Variants in RERE observed in about 807,000 individuals in gnomAD.
RERE encodes arginine-glutamic acid dipeptide repeats protein.
A neutral mutation model predicts 146.1 loss-of-function variants in RERE; 40 were observed. The observed-to-expected ratio is 0.27, with a 90% CI of 0.21 to 0.36. The LOEUF (loss-of-function observed/expected upper bound fraction) is 0.36, where lower values mean the gene tolerates loss of function less well. Ranked by LOEUF, RERE falls within the 10% of genes least tolerant of loss-of-function variation. RERE has a pLI of 1.00. For synonymous variants in RERE, 1,003 were observed against 866.0 expected, an observed-to-expected ratio of 1.16 and a Z score of -2.78; for missense variants, 1,933 against 2,138.7, an observed-to-expected ratio of 0.90 and a Z score of 1.90.
intron 2 of RERE, among the ~76,000 whole-genome samples, chr1:8,642,366 C>T (rs1647191946): frequency 6.6e-6 from 1 of 152,288 alleles, no homozygotes; most frequent in Middle Eastern, 3.4e-3. Flanking sequence ...TTATGCTGTC[C>T]TTTCTCCCTC....
intron 4 of RERE, among the ~76,000 whole-genome samples, chr1:8,588,986 T>C (rs1171506026): frequency 6.6e-6 from 1 of 151,474 alleles, no homozygotes; most frequent in Non-Finnish European, 1.5e-5. Flanking sequence ...CAGCTGGGTG[T>C]GGTGGCAGGC....
chr1:8,500,434 G>A (rs1202565576), intron 8 of RERE, among the ~76,000 whole-genome samples: 1 of 152,250 alleles, frequency 6.6e-6, no homozygotes, highest in East Asian at 1.9e-4. Context: ...GCTGGTCTCA[G>A]CTCCTGACCG....
chr1:8,807,794 C>T (rs938318658), intron 1 of RERE, among the ~76,000 whole-genome samples: 1 of 152,114 alleles, frequency 6.6e-6, no homozygotes, highest in Non-Finnish European at 1.5e-5. Context: ...TTCTGCAAAG[C>T]CATCAACCAA....
chr1:8,418,655 A>C (rs1643843027), intron 12 of RERE, among the ~76,000 whole-genome samples: 2 of 152,236 alleles, frequency 1.3e-5, no homozygotes, highest in African/African-American at 2.4e-5. Context: ...CAGAGAAGAG[A>C]TATGTCACCA....
intron 4 of RERE, among the ~76,000 whole-genome samples, chr1:8,576,965 G>A (rs957012016): frequency 3.3e-5 from 5 of 152,056 alleles, no homozygotes; most frequent in Non-Finnish European, 5.9e-5. Flanking sequence ...GTCAGGAGAT[G>A]GAGACCATCC....
chr1:8,636,463 G>A (rs1350644328), intron 2 of RERE, among the ~76,000 whole-genome samples: 2 of 151,992 alleles, frequency 1.3e-5, no homozygotes. Context: ...GAGCCCAGGA[G>A]TATGAGCCTG....
intron 8 of RERE, among the ~76,000 whole-genome samples, chr1:8,504,068 G>A (rs1645217030): frequency 6.6e-6 from 1 of 152,192 alleles, no homozygotes; most frequent in Non-Finnish European, 1.5e-5. Flanking sequence ...AATTTAGAAT[G>A]TATTTTATCT....
intron 12 of RERE, among the ~76,000 whole-genome samples, chr1:8,390,090 C>T (rs1301201615): frequency 6.6e-6 from 1 of 152,174 alleles, no homozygotes; most frequent in Non-Finnish European, 1.5e-5. Context: ...AAAAGGAAAA[C>T]CAATACCAGA....
intron 4 of RERE, among the ~76,000 whole-genome samples, chr1:8,564,114 G>A (rs1460076123): frequency 1.3e-5 from 2 of 152,308 alleles, no homozygotes; most frequent in Non-Finnish European, 1.5e-5. Flanking sequence ...AGACCTTGGG[G>A]ACACAGTCAT....
At chr1:8,500,850 T>C (rs1221190453) in intron 8 of RERE, among the ~76,000 whole-genome samples, 3 of 146,852 alleles carry the variant, frequency 2.0e-5, no homozygotes, top group Non-Finnish European at 2.9e-5. Flanking sequence ...GGAGCACCTC[T>C]GCTGGGCCGC....
At chr1:8,734,551 G>A (rs373430463) in intron 1 of RERE, among the ~76,000 whole-genome samples, 3 of 152,190 alleles carry the variant, frequency 2.0e-5, no homozygotes, top group African/African-American at 7.2e-5. Context: ...AACATGGGCT[G>A]ACTTTGCAAG....
intron 7 of RERE, among the ~76,000 whole-genome samples, chr1:8,515,121 A>G (rs1177741942): frequency 6.6e-6 from 1 of 152,186 alleles, no homozygotes; most frequent in Non-Finnish European, 1.5e-5. Flanking sequence ...CTGGAATCCC[A>G]GCACTCTGGG....
chr1:8,418,286 C>T (rs1643833270), intron 12 of RERE, among the ~76,000 whole-genome samples: 1 of 152,208 alleles, frequency 6.6e-6, no homozygotes, highest in African/African-American at 2.4e-5. Flanking sequence ...ACTGGGATTA[C>T]AAATGACACA....
At chr1:8,650,615 T>G (rs568458279) in intron 2 of RERE, among the ~76,000 whole-genome samples, 2 of 152,114 alleles carry the variant, frequency 1.3e-5, no homozygotes, top group African/African-American at 4.8e-5. Context: ...ATACAAAAAT[T>G]AGGCCAGGAG....
chr1:8,642,209 C>T (rs374391046), intron 2 of RERE, among the ~76,000 whole-genome samples: 2 of 152,170 alleles, frequency 1.3e-5, no homozygotes, highest in Non-Finnish European at 1.5e-5. Context: ...TTCTGAGTTC[C>T]GCACCTATGT....
At chr1:8,582,299 T>A (rs1335562337) in intron 4 of RERE, among the ~76,000 whole-genome samples, 1 of 151,604 alleles carries the variant, frequency 6.6e-6, no homozygotes, top group Non-Finnish European at 1.5e-5. Flanking sequence ...CTTAAACTCC[T>A]GGGTTCAAGC....
At chr1:8,759,086 G>A (rs1640702857) in intron 1 of RERE, among the ~76,000 whole-genome samples, 1 of 151,832 alleles carries the variant, frequency 6.6e-6, no homozygotes, top group East Asian at 1.9e-4. Flanking sequence ...GACCAGCCTG[G>A]GCAACACAGT....
chr1:8,533,412 C>T (rs919208489), intron 7 of RERE, among the ~76,000 whole-genome samples: 1 of 152,184 alleles, frequency 6.6e-6, no homozygotes, highest in African/African-American at 2.4e-5. Flanking sequence ...GTTAATGGTA[C>T]ATGGTTTCTT....
intron 1 of RERE, chr1:8,703,298 G>T (rs1181680442): frequency 2.0e-5 from 3 of 150,208 alleles, no homozygotes; most frequent in African/African-American, 7.3e-5. Flanking sequence ...CCCCGCCCGC[G>T]GCTAGGGAGG....
Sources: allele counts gnomAD v4.1 joint callset (sites outside exome capture counted in the v4.1 genomes callset), GRCh38; gene constraint gnomAD v4.1.1; transcripts MANE v1.5; gene names NCBI Gene and HGNC (gene_info 2026-07-23, HGNC 2026-07-21).